Variants in KANSL3 observed in about 807,000 individuals in gnomAD.
KANSL3 encodes KAT8 regulatory NSL complex subunit 3.
A neutral mutation model predicts 89.2 loss-of-function variants in KANSL3; 16 were observed. The observed-to-expected ratio is 0.18, with a 90% confidence interval of 0.12 to 0.27. The LOEUF is 0.27. KANSL3 is among the 10% of genes least tolerant of loss of function. KANSL3 has a pLI of 1.00. For missense variants in KANSL3, 879 were observed against 1,110.6 expected, an observed-to-expected ratio of 0.79 and a Z score of 2.96; for synonymous variants, 385 against 419.7, an observed-to-expected ratio of 0.92 and a Z score of 1.01.
chr2:96,636,752 A>G (rs2074306611), intron 2 of KANSL3, 169 bp downstream of exon 2: 1 of 540,544 alleles, frequency 1.8e-6, no homozygotes, highest in Admixed American at 3.7e-5. Flanking sequence ...TCTCACAGAG[A>G]TAGCCACATT....
chr2:96,623,406 A>C (rs1375585901), intron 3 of KANSL3, among the ~76,000 whole-genome samples: 2 of 152,122 alleles, frequency 1.3e-5, no homozygotes, highest in African/African-American at 4.8e-5. Context: ...ATCCCACCCC[A>C]CAAGATACTC....
intron 18 of KANSL3, 21 bp from the exon 19 acceptor site, chr2:96,602,359 G>A: frequency 6.3e-7 from 1 of 1,576,386 alleles, no homozygotes; most frequent in Non-Finnish European, 8.7e-7. Flanking sequence ...CACAAGCCCA[G>A]GTGATCAGAA....
intron 2 of KANSL3, among the ~76,000 whole-genome samples, chr2:96,634,355 C>G (rs2073942508): frequency 6.6e-6 from 1 of 152,162 alleles, no homozygotes; most frequent in Admixed American, 6.6e-5. Flanking sequence ...AACTCCGTCT[C>G]TACTAAAAAT....
chr2:96,613,764 A>G lies in KANSL3; in HGVS notation c.664-145T>C, dbSNP rs572341025. 22 of 632,262 alleles carry G rather than the reference A, an allele frequency of 3.5e-5. No individual in the cohort carries two copies. The African/African-American group carries it at 3.9e-4, about 11-fold the overall frequency. 39.2% of individuals were successfully genotyped at this position (632,262 alleles called of 1,614,324 possible). On this transcript the variant is annotated intron_variant, in intron 5 of 20. Coordinates refer to ENST00000431828, the MANE Select transcript of KANSL3 (RefSeq NM_001115016.3). Reference sequence around the variant, plus strand: ...TGAAAACCTCCTAAGGATCAAGAATATATATAAATAAGCGGGTGAAAAGTA... The same window carrying G: ...TGAAAACCTCCTAAGGATCAAGAATGTATATAAATAAGCGGGTGAAAAGTA...
rs1036149435 is a variant in KANSL3, at chr2:96,604,914, T to C, written c.1934-51A>G. ...CCTGGTCAGTCCTATTTGGCCTCTA[T>C]GTTTCCAGGTTCCACAGCTTAGGCT... On this transcript the variant is annotated intron_variant, in intron 15 of 20. Transcript: ENST00000431828. The C allele has an allele frequency of 4.3e-5, 62 of 1,455,718 alleles. 2 individuals carry two copies. Among genetic ancestry groups the C allele is most frequent in the East Asian group, 2.4e-4 (10 of 40,830 alleles). 90.2% of individuals were successfully genotyped at this position (1,455,718 alleles called of 1,614,324 possible).
chr2:96,591,827 G>T (rs967105129), downstream of KANSL3, among the ~76,000 whole-genome samples: 2 of 150,504 alleles, frequency 1.3e-5, no homozygotes, highest in Admixed American at 1.3e-4. Context: ...CTGGATCCCG[G>T]CAAGTCCAAG....
At chr2:96,586,372 C>T in the KANSL3 span, among the ~76,000 whole-genome samples, 1 of 152,038 alleles carries the variant, frequency 6.6e-6, no homozygotes, top group Non-Finnish European at 1.5e-5. Context: ...AGAACTTACC[C>T]ATGTAACCAA....
intron 16 of KANSL3, 96 bp downstream of exon 16, chr2:96,604,683 G>T: frequency 8.8e-7 from 1 of 1,137,172 alleles, no homozygotes; most frequent in Non-Finnish European, 1.3e-6. Context: ...AAACTGACAA[G>T]AATCCAGAAT....
chr2:96,626,166 T>G (rs1280986316), intron 3 of KANSL3, among the ~76,000 whole-genome samples: 2 of 152,220 alleles, frequency 1.3e-5, no homozygotes, highest in Non-Finnish European at 2.9e-5. Context: ...AATCATTATT[T>G]TGGATACTGT....
intron 5 of KANSL3, among the ~76,000 whole-genome samples, chr2:96,614,194 C>A (rs1020898369): frequency 1.3e-5 from 2 of 152,064 alleles, no homozygotes; most frequent in Admixed American, 1.3e-4. Context: ...CGGGTTCAAG[C>A]GATTTCTTGT....
At chr2:96,586,266 C>T in the KANSL3 span, among the ~76,000 whole-genome samples, 145 of 151,682 alleles carry the variant, frequency 9.6e-4, no homozygotes, top group African/African-American at 3.5e-3. Flanking sequence ...TTGAGGACTT[C>T]GGGGTAAGGG....
chr2:96,608,107 C>T (rs139684004), intron 14 of KANSL3, among the ~76,000 whole-genome samples: 15 of 152,326 alleles, frequency 9.8e-5, no homozygotes, highest in African/African-American at 2.6e-4. Flanking sequence ...AGAATCTTAA[C>T]GCTTCAAGGG....
At position 96,593,197 on chromosome 2, in the gene KANSL3, T is replaced by C. The variant is rs2066330822; in HGVS notation, c.*2414A>G. The C allele has an allele frequency of 2.2e-6, 1 of 446,898 alleles. No homozygotes were observed. Among genetic ancestry groups the C allele is most frequent in the Non-Finnish European group, 4.5e-6 (1 of 223,284 alleles). 27.7% of individuals were successfully genotyped at this position (446,898 alleles called of 1,614,324 possible). On this transcript the variant is annotated 3_prime_UTR_variant, in exon 21 of 21. Coordinates refer to ENST00000431828, the MANE Select transcript of KANSL3 (RefSeq NM_001115016.3). ...TTGTTTTTGGTGTTTTTAATTGTTT[T>C]TGTTAATGTAAAAACAGAACCATCA... is the stretch of plus-strand genomic sequence containing the variant.
At chr2:96,617,407 C>T (rs971442372) in intron 5 of KANSL3, among the ~76,000 whole-genome samples, 2 of 152,072 alleles carry the variant, frequency 1.3e-5, no homozygotes, top group Non-Finnish European at 2.9e-5. Context: ...CTAAACCAGT[C>T]TTCTAACAAA....
intron 15 of KANSL3, 68 bp downstream of exon 15, chr2:96,605,252 C>T: frequency 7.4e-7 from 1 of 1,359,522 alleles, no homozygotes; most frequent in Non-Finnish European, 1.0e-6. Context: ...TGGTGAATGG[C>T]CACCAAAGGG....
At chr2:96,590,267 C>T (rs1172216873), downstream of KANSL3, among the ~76,000 whole-genome samples, 1 of 151,700 alleles carries the variant, frequency 6.6e-6, no homozygotes, top group Non-Finnish European at 1.5e-5. Context: ...TAAAATAGTA[C>T]AACTACTCTG....
At position 96,604,858 on chromosome 2, in the gene KANSL3, C is replaced by T. The variant is rs764572039; in HGVS notation, c.1939G>A (p.Gly647Ser). The change falls in exon 16 of 21, where the codon GGT becomes AGT. Residue 647 changes from glycine to serine, a missense_variant. Gly to Ser is a moderately conservative substitution (Grantham distance 56). Around this residue, in one of 6 missense-constraint regions of KANSL3, gnomAD observed 317 missense variants for 311.2 expected, o/e 1.02. Coordinates refer to ENST00000431828, the MANE Select transcript of KANSL3 (RefSeq NM_001115016.3). ...AGTGTCATGGTGATGGGCTTCCCACCTGCAGCTTCAAAACAGAAAACCCCA... is the reference window on the plus strand; with the variant it reads ...AGTGTCATGGTGATGGGCTTCCCACTTGCAGCTTCAAAACAGAAAACCCCA... ...PSQGSAPEAA[G>S]GKPITMTLGQ... The T allele has an allele frequency of 8.8e-6, 14 of 1,590,812 alleles. No individual in the cohort carries two copies. Among genetic ancestry groups the T allele is most frequent in the Non-Finnish European group, 1.2e-5 (14 of 1,168,644 alleles).
the KANSL3 span, among the ~76,000 whole-genome samples, chr2:96,582,165 G>A: frequency 1.2e-3 from 180 of 152,228 alleles, no homozygotes; most frequent in African/African-American, 2.1e-3. Context: ...CAAGACGGGC[G>A]GATGACTTGA....
At chr2:96,591,019 AAAC>A (rs2066267050), downstream of KANSL3, among the ~76,000 whole-genome samples, 1 of 152,096 alleles carries the variant, frequency 6.6e-6, no homozygotes, top group African/African-American at 2.4e-5. Flanking sequence ...AAACAAAACA[AAAC>A]AAAACCACTG....
Sources: allele counts gnomAD v4.1 joint callset (sites outside exome capture counted in the v4.1 genomes callset), GRCh38; gene constraint gnomAD v4.1.1; regional missense constraint gnomAD v4.1.1; transcripts MANE v1.5; gene names NCBI Gene and HGNC (gene_info 2026-07-23, HGNC 2026-07-21).